Variants in SRSF4 observed in about 807,000 individuals in gnomAD.
SRSF4 encodes the protein serine and arginine rich splicing factor 4, also known as serine/arginine-rich splicing factor 4.
A neutral mutation model predicts 48.8 loss-of-function variants in SRSF4; 12 were observed. The ratio of observed to expected loss-of-function variants is 0.25; its 90% CI spans 0.16 to 0.40. The LOEUF (loss-of-function observed/expected upper bound fraction) is 0.40, where lower values mean the gene tolerates loss of function less well. Among genes scored for constraint, SRSF4 ranks in the 10% least tolerant of loss-of-function variants. The pLI, the probability that SRSF4 is intolerant of heterozygous loss-of-function variation, is 1.00. For synonymous variants in SRSF4, 248 were observed against 232.5 expected (o/e 1.07, Z -0.61); for missense variants, 466 against 667.1 (o/e 0.70, Z 3.32).
At chr1:29,178,027 G>A (rs906774915) in intron 1 of SRSF4, among the ~76,000 whole-genome samples, 1 of 150,674 alleles carries the variant, frequency 6.6e-6, no homozygotes, top group Non-Finnish European at 1.5e-5. Flanking sequence ...AGCCTCTAGA[G>A]GAGCTGGGAT....
intron 1 of SRSF4, among the ~76,000 whole-genome samples, chr1:29,164,262 T>G (rs987434677): frequency 1.3e-5 from 2 of 152,280 alleles, no homozygotes; most frequent in Non-Finnish European, 2.9e-5. Context: ...ATACCTTTTA[T>G]GTATGGGTCC....
At position 29,147,945 on chromosome 1, in the gene SRSF4, C is replaced by A; in HGVS notation, c.*465G>T. On this transcript the variant is annotated 3_prime_UTR_variant, in exon 6 of 6. Transcript: ENST00000373795. ...CAGGTATCAATTTTCCTCGACTGTG[C>A]TATTCACAACTTTGTTAAGTCCAAA... The A allele has an allele frequency of 2.6e-6, 1 of 391,924 alleles. No homozygotes were observed. Among genetic ancestry groups the A allele is most frequent in the Admixed American group, 2.9e-5 (1 of 34,282 alleles). The allele number at this position is 391,924 out of a possible 1,614,324, so 24.3% of individuals were successfully genotyped here.
At chr1:29,167,547 G>A (rs574092308) in intron 1 of SRSF4, among the ~76,000 whole-genome samples, 2 of 152,302 alleles carry the variant, frequency 1.3e-5, no homozygotes, top group African/African-American at 4.8e-5. Flanking sequence ...ACCACGCCCA[G>A]CTAATTTTTA....
intron 1 of SRSF4, chr1:29,169,260 A>AC (rs1672713480): frequency 6.6e-6 from 1 of 152,176 alleles, no homozygotes; most frequent in Non-Finnish European, 1.5e-5. Flanking sequence ...GATTCTTCAC[A>AC]CCCAGCTAAC....
intron 3 of SRSF4, among the ~76,000 whole-genome samples, chr1:29,157,238 T>G (rs1464274614): frequency 2.0e-5 from 3 of 152,110 alleles, no homozygotes; most frequent in African/African-American, 7.2e-5. Context: ...CTTGTGGCTT[T>G]GCACAATTTA....
At chr1:29,161,537 T>G (rs1443767962) in intron 1 of SRSF4, among the ~76,000 whole-genome samples, 1 of 152,228 alleles carries the variant, frequency 6.6e-6, no homozygotes. Context: ...ACAAACAAGT[T>G]ACAAGACTTG....
intron 1 of SRSF4, among the ~76,000 whole-genome samples, chr1:29,163,486 G>A (rs1672628326): frequency 6.6e-6 from 1 of 152,122 alleles, no homozygotes; most frequent in Non-Finnish European, 1.5e-5. Flanking sequence ...CTCTTGTTCT[G>A]AGAATAAAGC....
At chr1:29,155,877 T>C (rs1034555279) in intron 3 of SRSF4, among the ~76,000 whole-genome samples, 4 of 152,140 alleles carry the variant, frequency 2.6e-5, no homozygotes, top group Non-Finnish European at 5.9e-5. Flanking sequence ...CTCATTCTCT[T>C]TGAGGACTTC....
In SRSF4 at chr1:29,161,858, G is replaced by A. The variant is rs1289994628; in HGVS notation, c.108-1341C>T. On this transcript the variant is annotated intron_variant, in intron 1 of 5. Transcript: ENST00000373795. The stretch of plus-strand genomic sequence containing the variant: ...TTCGCCCTCCTGGGCCTCCCAAAGC[G>A]CTAGGATTATAGGCGTGAGCCACTG... 2.6e-5 allele frequency among the ~76,000 whole-genome samples: 4 copies of A among 152,314 alleles called. No individual in the cohort carries two copies. In the East Asian group the frequency reaches 7.7e-4, roughly 29 times the overall value.
At chr1:29,180,357 A>G (rs1023362886) in intron 1 of SRSF4, among the ~76,000 whole-genome samples, 1 of 152,208 alleles carries the variant, frequency 6.6e-6, no homozygotes. Context: ...GAAAAGGAGT[A>G]GTTTTTAAAG....
At position 29,181,876 on chromosome 1, in the gene SRSF4, A is replaced by C; in HGVS notation, c.-124T>G. ...CGGGCGGCGGGACGGACGCAGCCGA[A>C]CCCCGGCGACGTACGCGAGCACGCA... On this transcript the variant is annotated 5_prime_UTR_variant, in exon 1 of 6. Coordinates refer to ENST00000373795, the MANE Select transcript of SRSF4 (RefSeq NM_005626.5). 1.5e-6 allele frequency: 1 copy of C among 688,350 alleles called. No individual in the cohort carries two copies. The highest frequency in any genetic ancestry group is 2.1e-6 in the Non-Finnish European group (1 of 478,094). 42.6% of individuals were successfully genotyped at this position (688,350 alleles called of 1,614,324 possible).
At chr1:29,171,634 T>C (rs1672745979) in intron 1 of SRSF4, 1 of 151,944 alleles carries the variant, frequency 6.6e-6, no homozygotes, top group African/African-American at 2.4e-5. Context: ...GCTTACAAAT[T>C]TGTAAGTATC....
chr1:29,175,793 G>T (rs1401971954), intron 1 of SRSF4, among the ~76,000 whole-genome samples: 1 of 146,996 alleles, frequency 6.8e-6, no homozygotes, highest in Non-Finnish European at 1.5e-5. Context: ...TACATAAAGA[G>T]AGTTATTCAA....
intron 2 of SRSF4, 162 bp from the exon 3 acceptor site, chr1:29,159,648 G>T: frequency 4.6e-6 from 2 of 432,914 alleles, no homozygotes; most frequent in Non-Finnish European, 8.1e-6. Context: ...TTTTAAAGAA[G>T]CAATCAGCTA....
rs867964983 is a variant in SRSF4, at chr1:29,149,691, A to C, written c.668+412T>G. Among the ~76,000 whole-genome samples the C allele has an allele frequency of 1.3e-4, 16 of 123,312 alleles. 1 individual carries two copies. The Middle Eastern group carries it at 0.02, about 154-fold the overall frequency. The allele number at this position is 123,312 out of a possible 152,430, so 80.9% of individuals were successfully genotyped here. ...GCGAGACTCTGTCTTGAGGGGGGAA[A>C]AAAAAAAAAAAAAAGAAAAAGAAGC... On this transcript the variant is annotated intron_variant, in intron 5 of 5. Transcript: ENST00000373795.
At chr1:29,181,538 C>A (rs1672957761) in intron 1 of SRSF4, 108 bp downstream of exon 1, 5 of 988,844 alleles carry the variant, frequency 5.1e-6, no homozygotes, top group Non-Finnish European at 7.1e-6. Context: ...CCTGGCCAGG[C>A]CGGTAGCCGC....
intron 4 of SRSF4, chr1:29,154,467 T>C (rs1672467881): frequency 3.9e-6 from 2 of 518,966 alleles, no homozygotes; most frequent in Non-Finnish European, 6.7e-6. Context: ...AGTGCTGGGA[T>C]TACAGGCGTG....
At chr1:29,179,136 A>G (rs1224516291) in intron 1 of SRSF4, among the ~76,000 whole-genome samples, 1 of 152,072 alleles carries the variant, frequency 6.6e-6, no homozygotes, top group East Asian at 1.9e-4. Context: ...TTCCTTCCAG[A>G]GCCTTTGAAT....
In SRSF4 at chr1:29,148,954, C is replaced by T. The variant is rs776337563; in HGVS notation, c.941G>A (p.Arg314Gln). The T allele has an allele frequency of 1.1e-5, 18 of 1,612,314 alleles. No individual in the cohort carries two copies. The highest frequency in any genetic ancestry group is 5.4e-5 in the African/African-American group (4 of 74,384). ...SQERRVEEEKRGSVSRGRSQE... is the reference protein window; with the variant it reads ...SQERRVEEEKQGSVSRGRSQE... ...GCTCCTGCCCCTGCTCACACTCCCT[C>T]GCTTCTCCTCCTCCACTCTCCTCTC... The change falls in exon 6 of 6, where the codon CGA (arginine) becomes CAA (glutamine). Residue 314 changes from arginine (R) to glutamine (Q), a missense_variant. Physicochemically the swap from Arg to Gln is conservative, Grantham distance 43. This residue lies in a region of SRSF4 where 402 missense variants were observed against 437.0 expected (regional missense o/e 0.92). Coordinates refer to ENST00000373795, the MANE Select transcript of SRSF4 (RefSeq NM_005626.5).
Sources: gnomAD v4.1 joint callset for allele counts (sites outside exome capture counted in the v4.1 genomes callset) on GRCh38, gnomAD v4.1.1 for gene constraint, gnomAD v4.1.1 regional missense constraint, MANE v1.5 for transcripts, NCBI Gene and HGNC (gene_info 2026-07-23, HGNC 2026-07-21) for gene names.